Variants in NLRP7 observed in about 807,000 individuals in gnomAD.
NLRP7 encodes NACHT, LRR and PYD domains-containing protein 7.
NLRP7 carries 72 observed loss-of-function variants against 85.5 expected under a neutral mutation model. That is an observed-to-expected ratio of 0.84 (90% CI 0.70 to 1.02). The LOEUF (loss-of-function observed/expected upper bound fraction) is 1.02. NLRP7 is among the 50% of genes least tolerant of loss of function. NLRP7 has a pLI of 0.00. For missense variants in NLRP7, 1,243 were observed against 1,219.5 expected, an observed-to-expected ratio of 1.02 and a Z score of -0.29; for synonymous variants, 550 against 505.2, an observed-to-expected ratio of 1.09 and a Z score of -1.19.
chr19:54,952,831 T>A (rs1306536278), intron 1 of NLRP7, among the ~76,000 whole-genome samples: 3 of 151,982 alleles, frequency 2.0e-5, no homozygotes. Flanking sequence ...CCGGGCTGCA[T>A]TCCCAGACAG....
At chr19:54,936,749 T>C (rs1449437586) in intron 5 of NLRP7, among the ~76,000 whole-genome samples, 3 of 152,028 alleles carry the variant, frequency 2.0e-5, no homozygotes, top group Non-Finnish European at 4.4e-5. Context: ...GCCCCGTCTC[T>C]ACTAAAAATA....
chr19:54,931,453 G>T (rs1424426245), intron 8 of NLRP7, among the ~76,000 whole-genome samples: 1 of 152,094 alleles, frequency 6.6e-6, no homozygotes, highest in Admixed American at 6.6e-5. Flanking sequence ...ACTTTGGGAG[G>T]CTGAGGCAGA....
chr19:54,946,393 T>G (rs1345540458), intron 1 of NLRP7, among the ~76,000 whole-genome samples: 2 of 150,566 alleles, frequency 1.3e-5, no homozygotes, highest in African/African-American at 4.9e-5. Context: ...GTATTTTTAG[T>G]AGAGATGGGG....
intron 5 of NLRP7, among the ~76,000 whole-genome samples, chr19:54,937,798 G>A (rs1464205063): frequency 6.6e-6 from 1 of 150,878 alleles, no homozygotes; most frequent in Admixed American, 6.6e-5. Flanking sequence ...TCGGGAGGCT[G>A]AGGCAGGAGA....
intron 2 of NLRP7, 105 bp from the exon 3 acceptor site, chr19:54,941,110 T>A (rs2069201035): frequency 1.1e-6 from 1 of 883,766 alleles, no homozygotes; most frequent in Non-Finnish European, 1.9e-6. Flanking sequence ...ATGCCTGTAA[T>A]CACAGCACTT....
At chr19:54,957,943 C>T (rs889772442) in intron 1 of NLRP7, among the ~76,000 whole-genome samples, 1 of 152,058 alleles carries the variant, frequency 6.6e-6, no homozygotes, top group Non-Finnish European at 1.5e-5. Context: ...GGGCCGGGCA[C>T]GGTGTCTCAC....
intron 1 of NLRP7, among the ~76,000 whole-genome samples, chr19:54,959,301 G>A (rs1212245648): frequency 6.6e-6 from 1 of 150,530 alleles, no homozygotes; most frequent in Non-Finnish European, 1.5e-5. Flanking sequence ...ACCATGCCCG[G>A]CTAATTTTTG....
chr19:54,953,921 G>A (rs948048017), intron 1 of NLRP7, among the ~76,000 whole-genome samples: 2 of 151,742 alleles, frequency 1.3e-5, no homozygotes, highest in South Asian at 2.1e-4. Flanking sequence ...GCAGGAGAAC[G>A]GCGTGAACCC....
At chr19:54,936,768 A>G (rs1480864357) in intron 5 of NLRP7, among the ~76,000 whole-genome samples, 1 of 152,000 alleles carries the variant, frequency 6.6e-6, no homozygotes, top group African/African-American at 2.4e-5. Context: ...TACAAAAATT[A>G]GCTGCACATG....
intron 4 of NLRP7, among the ~76,000 whole-genome samples, chr19:54,938,667 A>G (rs558297560): frequency 2.6e-5 from 4 of 152,214 alleles, no homozygotes; most frequent in Non-Finnish European, 5.9e-5. Flanking sequence ...CGGAGGTTGC[A>G]GTGAGCCAAG....
intron 1 of NLRP7, among the ~76,000 whole-genome samples, chr19:54,957,631 C>T (rs2069901933): frequency 6.6e-6 from 1 of 152,118 alleles, no homozygotes; most frequent in Admixed American, 6.6e-5. Context: ...AGGCGTGAGC[C>T]ACTGCACCCT....
At chr19:54,957,459 C>T (rs977296929) in intron 1 of NLRP7, among the ~76,000 whole-genome samples, 2 of 150,520 alleles carry the variant, frequency 1.3e-5, no homozygotes, top group African/African-American at 4.9e-5. Flanking sequence ...GATTCTCCTG[C>T]CTCAGCCTCC....
intron 1 of NLRP7, among the ~76,000 whole-genome samples, chr19:54,958,157 C>T (rs1407709415): frequency 6.6e-6 from 1 of 151,728 alleles, no homozygotes; most frequent in Non-Finnish European, 1.5e-5. Flanking sequence ...CTCCCTGAGG[C>T]ACTTGCTATC....
intron 1 of NLRP7, among the ~76,000 whole-genome samples, chr19:54,945,250 A>AG (rs929299172): frequency 1.3e-5 from 2 of 150,690 alleles, no homozygotes; most frequent in East Asian, 3.9e-4. Flanking sequence ...AAAAAAAAAA[A>AG]AAAAAGAAAA....
At chr19:54,959,864 G>C (rs1009052204) in intron 1 of NLRP7, among the ~76,000 whole-genome samples, 1 of 151,864 alleles carries the variant, frequency 6.6e-6, no homozygotes, top group Non-Finnish European at 1.5e-5. Flanking sequence ...CTGAGCTTCT[G>C]TTGTTCCCAG....
exon 3 of NLRP7, chr19:54,940,984 A>G: frequency 6.2e-7 from 1 of 1,612,352 alleles, no homozygotes; most frequent in Non-Finnish European, 8.5e-7. Flanking sequence ...AGGATTATCT[A>G]TTTCTTGCAC....
At chr19:54,952,631 A>G (rs908779909) in intron 1 of NLRP7, among the ~76,000 whole-genome samples, 9 of 150,086 alleles carry the variant, frequency 6.0e-5, no homozygotes, top group African/African-American at 2.2e-4. Flanking sequence ...CTTCTGGGGG[A>G]GATGGATTGG....
At chr19:54,933,608 T>C in exon 8 of NLRP7, 4 of 1,614,212 alleles carry the variant, frequency 2.5e-6, no homozygotes, top group Non-Finnish European at 3.4e-6. Flanking sequence ...ACTCAAGCCC[T>C]CACACAGAAA....
intron 1 of NLRP7, among the ~76,000 whole-genome samples, chr19:54,961,244 C>A (rs1206724478): frequency 6.6e-6 from 1 of 151,926 alleles, no homozygotes; most frequent in African/African-American, 2.4e-5. Context: ...GGCACAGTGT[C>A]TCACGCCTGT....
Sources: gnomAD v4.1 joint callset for allele counts (sites outside exome capture counted in the v4.1 genomes callset) on GRCh38, gnomAD v4.1.1 for gene constraint, MANE v1.5 for transcripts, NCBI Gene and HGNC (gene_info 2026-07-23, HGNC 2026-07-21) for gene names.